LGR6: variants seen among roughly 807,000 people sequenced by gnomAD.
The protein encoded by LGR6 is leucine-rich repeat-containing G protein-coupled receptor 6.
Under a neutral mutation model 69.4 loss-of-function variants are expected in LGR6, and 45 were observed. The observed-to-expected ratio is 0.65, with a 90% CI of 0.51 to 0.83. LGR6 has a LOEUF of 0.83. LGR6 is among the 40% of genes least tolerant of loss of function. LGR6 has a pLI of 0.00. For missense variants in LGR6, 1,108 were observed against 1,246.7 expected, an observed-to-expected ratio of 0.89 and a Z score of 1.68; for synonymous variants, 538 against 555.0, an observed-to-expected ratio of 0.97 and a Z score of 0.43.
intron 1 of LGR6, among the ~76,000 whole-genome samples, chr1:202,221,087 C>A (rs983869001): frequency 1.3e-5 from 2 of 152,110 alleles, no homozygotes; most frequent in African/African-American, 4.8e-5. Flanking sequence ...GTTTCTGCCC[C>A]TCCAGTCTTT....
At chr1:202,227,760 G>A (rs568646751) in intron 2 of LGR6, among the ~76,000 whole-genome samples, 176 bp from the exon 3 acceptor site, 123 of 152,288 alleles carry the variant, frequency 8.1e-4, no homozygotes, top group Non-Finnish European at 1.4e-3. Context: ...GCACTTTACA[G>A]GATTATTGTG....
intron 1 of LGR6, chr1:202,197,219 C>T: frequency 2.2e-6 from 1 of 447,722 alleles, no homozygotes; most frequent in African/African-American, 2.0e-5. Flanking sequence ...CTAGCCAATA[C>T]CTTTCATGAG....
chr1:202,263,301 T>C (rs1664386721), intron 4 of LGR6, among the ~76,000 whole-genome samples: 1 of 152,084 alleles, frequency 6.6e-6, no homozygotes, highest in Non-Finnish European at 1.5e-5. Context: ...TTTTGTATTT[T>C]TAGTAGAGAC....
intron 6 of LGR6, among the ~76,000 whole-genome samples, chr1:202,286,232 G>A (rs1329590676): frequency 6.6e-6 from 1 of 152,194 alleles, no homozygotes; most frequent in Non-Finnish European, 1.5e-5. Context: ...CAGCTATCCT[G>A]GCGGGCTCCA....
intron 14 of LGR6, among the ~76,000 whole-genome samples, chr1:202,308,379 G>A (rs188247436): frequency 5.9e-5 from 9 of 152,302 alleles, no homozygotes; most frequent in Non-Finnish European, 1.3e-4. Flanking sequence ...GTTACACAGC[G>A]AGTTGGTGAC....
chr1:202,243,942 TTTGTTG>T (rs3062624), intron 4 of LGR6, among the ~76,000 whole-genome samples: 129 of 150,570 alleles, frequency 8.6e-4, no homozygotes, highest in Non-Finnish European at 9.2e-4. Flanking sequence ...ACAAAGTCTT[TTTGTTG>T]TTGTTGTTGT....
chr1:202,269,832 T>G (rs929895166), intron 4 of LGR6, among the ~76,000 whole-genome samples: 1 of 152,216 alleles, frequency 6.6e-6, no homozygotes, highest in Non-Finnish European at 1.5e-5. Flanking sequence ...TAGGGCACAC[T>G]GACCTTTGAA....
chr1:202,290,633 G>A (rs969609425), intron 6 of LGR6, among the ~76,000 whole-genome samples: 10 of 152,220 alleles, frequency 6.6e-5, no homozygotes, highest in African/African-American at 2.4e-4. Flanking sequence ...AGCACTTTGG[G>A]AGGCTGAGGT....
At chr1:202,205,969 A>AACACACACACAC (rs10522754) in intron 1 of LGR6, among the ~76,000 whole-genome samples, 5,595 of 149,034 alleles carry the variant, frequency 0.038, 148 homozygotes, top group East Asian at 0.14. Flanking sequence ...ACAGACACAC[A>AACACACACACAC]ACACACACAC....
At chr1:202,194,235 GC>G in intron 1 of LGR6, 34 bp downstream of exon 1, 9 of 1,483,310 alleles carry the variant, frequency 6.1e-6, no homozygotes, top group Admixed American at 4.1e-5. Flanking sequence ...GCCTGGTCCT[GC>G]GGGCTGCTGG....
At chr1:202,311,094 C>G (rs1653686158) in intron 16 of LGR6, among the ~76,000 whole-genome samples, 1 of 151,992 alleles carries the variant, frequency 6.6e-6, no homozygotes. Context: ...GCTTCCCTCT[C>G]CCCCTGCCCG....
chr1:202,288,464 A>G (rs778584147), intron 6 of LGR6, among the ~76,000 whole-genome samples: 1 of 152,210 alleles, frequency 6.6e-6, no homozygotes, highest in African/African-American at 2.4e-5. Flanking sequence ...TTGGTGAACA[A>G]ATATTTCAAC....
intron 4 of LGR6, among the ~76,000 whole-genome samples, chr1:202,254,108 G>A (rs532915945): frequency 6.8e-6 from 1 of 147,030 alleles, no homozygotes; most frequent in East Asian, 2.1e-4. Flanking sequence ...CCCGGCCTCT[G>A]GCTAATTTTT....
intron 14 of LGR6, among the ~76,000 whole-genome samples, chr1:202,308,811 C>T (rs549499679): frequency 6.6e-6 from 1 of 152,322 alleles, no homozygotes; most frequent in East Asian, 1.9e-4. Context: ...ATATAGTTGG[C>T]ACCGTTATGT....
intron 4 of LGR6, among the ~76,000 whole-genome samples, chr1:202,238,325 C>T (rs1050750456): frequency 6.6e-6 from 1 of 151,046 alleles, no homozygotes; most frequent in East Asian, 1.9e-4. Context: ...TGGTCTCGAA[C>T]TCCTGAGCCA....
In LGR6 at chr1:202,243,307, G is replaced by A. The variant is rs181952360; in HGVS notation, c.428+7314G>A. 8.5e-4 allele frequency among the ~76,000 whole-genome samples: 130 copies of A among 152,228 alleles called. 1 individual carries two copies. The highest frequency in any genetic ancestry group is 3.0e-3 in the African/African-American group (125 of 41,526). ...TACCCTAGGTATTCTAGAGTTAAGG[G>A]GAGCCTGGGTTGAGGGGATGGTTCT... On this transcript the variant is annotated intron_variant, in intron 4 of 17. Transcript: ENST00000367278.
At chr1:202,266,442 A>G (rs1664663723) in intron 4 of LGR6, among the ~76,000 whole-genome samples, 1 of 152,036 alleles carries the variant, frequency 6.6e-6, no homozygotes, top group African/African-American at 2.4e-5. Flanking sequence ...CAGCAAGAAC[A>G]AGACCTTTGC....
chr1:202,242,684 A>G (rs1348888796), intron 4 of LGR6, among the ~76,000 whole-genome samples: 2 of 152,172 alleles, frequency 1.3e-5, no homozygotes. Context: ...TGAGGAGGAA[A>G]GACCTGAGCT....
At chr1:202,269,313 G>A (rs1417679329) in intron 4 of LGR6, among the ~76,000 whole-genome samples, 1 of 152,134 alleles carries the variant, frequency 6.6e-6, no homozygotes, top group Non-Finnish European at 1.5e-5. Context: ...AACCAGGCTG[G>A]TGTGGGAGTT....
Sources: allele counts gnomAD v4.1 joint callset (sites outside exome capture counted in the v4.1 genomes callset), GRCh38; gene constraint gnomAD v4.1.1; transcripts MANE v1.5; gene names NCBI Gene and HGNC (gene_info 2026-07-23, HGNC 2026-07-21).